Variants in MCC observed in about 807,000 individuals in gnomAD.
MCC encodes colorectal mutant cancer protein.
In MCC, 90 loss-of-function variants were observed where a neutral mutation model predicts 116.2. The observed-to-expected ratio is 0.77, with a 90% CI of 0.65 to 0.92. The LOEUF (loss-of-function observed/expected upper bound fraction) is 0.92. Among genes scored for constraint, MCC ranks in the 40% least tolerant of loss-of-function variants. MCC has a pLI of 0.00. For synonymous variants in MCC, 578 were observed against 510.5 expected (o/e 1.13, Z -1.78); for missense variants, 1,516 against 1,312.2 (o/e 1.16, Z -2.40).
intron 3 of MCC, among the ~76,000 whole-genome samples, chr5:113,219,007 A>G (rs1365598754): frequency 1.3e-5 from 2 of 152,246 alleles, no homozygotes; most frequent in African/African-American, 2.4e-5. Flanking sequence ...GTCTAAAAAA[A>G]GAAATTTTTT....
chr5:113,270,402 A>G (rs1010735982), intron 3 of MCC, among the ~76,000 whole-genome samples: 4 of 150,704 alleles, frequency 2.7e-5, no homozygotes, highest in Non-Finnish European at 5.9e-5. Flanking sequence ...CACTGATAGA[A>G]TTCCAAAGTT....
chr5:113,257,036 C>T (rs1010685401), intron 3 of MCC, among the ~76,000 whole-genome samples: 2 of 152,148 alleles, frequency 1.3e-5, no homozygotes, highest in African/African-American at 4.8e-5. Flanking sequence ...CATTACATCT[C>T]GTTGCACCAA....
chr5:113,198,966 C>T (rs189822213), intron 3 of MCC, among the ~76,000 whole-genome samples: 28 of 151,934 alleles, frequency 1.8e-4, no homozygotes, highest in Admixed American at 1.1e-3. Flanking sequence ...TTTGGGAGGC[C>T]GAGGTGGGCG....
Position 113,434,708 on chromosome 5 carries a change from G to A in MCC, c.171-49496C>T, listed in dbSNP as rs1403389731. 6.2e-7 allele frequency: 1 copy of A among 1,613,978 alleles called. No individual in the cohort carries two copies. Among genetic ancestry groups the A allele is most frequent in the Non-Finnish European group, 8.5e-7 (1 of 1,179,972 alleles). On this transcript the variant is annotated intron_variant, in intron 1 of 18. Transcript: ENST00000408903. This position sits in a 1 kb window ranked among gnomAD's most constrained non-coding sequence, Gnocchi z 4.2. Reference sequence around the variant, plus strand: ...AGAAGTCTGCGGGGGCCTTCTTGCGGTCGATGATCTTGATCGCCACATTGA... The same window carrying A: ...AGAAGTCTGCGGGGGCCTTCTTGCGATCGATGATCTTGATCGCCACATTGA...
intron 2 of MCC, among the ~76,000 whole-genome samples, chr5:113,369,269 A>T (rs1581432409): frequency 6.6e-6 from 1 of 151,740 alleles, no homozygotes. Context: ...CTTTTCAGTG[A>T]CCAGCCTCAT....
intron 14 of MCC, among the ~76,000 whole-genome samples, chr5:113,057,174 G>A (rs572358659): frequency 1.8e-4 from 27 of 152,338 alleles, no homozygotes; most frequent in Middle Eastern, 3.4e-3. Context: ...TGGTCAGAGA[G>A]GGAGTGCGTG....
chr5:113,246,279 TC>T (rs1284361516), intron 3 of MCC, among the ~76,000 whole-genome samples: 1 of 152,190 alleles, frequency 6.6e-6, no homozygotes, highest in Non-Finnish European at 1.5e-5. Context: ...TACAATGAGA[TC>T]CCTACCCACT....
chr5:113,314,741 C>A (rs1363491682), intron 3 of MCC, among the ~76,000 whole-genome samples: 1 of 152,162 alleles, frequency 6.6e-6, no homozygotes, highest in Non-Finnish European at 1.5e-5. Context: ...GCATGCACCA[C>A]CATGCCCAGC....
intron 3 of MCC, among the ~76,000 whole-genome samples, chr5:113,287,299 T>C (rs1766301880): frequency 1.3e-5 from 2 of 152,230 alleles, no homozygotes; most frequent in Non-Finnish European, 2.9e-5. Flanking sequence ...TTTGATTCCC[T>C]GGATCAAAAA....
At chr5:113,159,835 G>T (rs909979102) in intron 3 of MCC, among the ~76,000 whole-genome samples, 2 of 152,130 alleles carry the variant, frequency 1.3e-5, no homozygotes, top group African/African-American at 4.8e-5. Context: ...AGTATTTCAA[G>T]AAATGCTGCT....
chr5:113,152,947 T>C (rs1296837482), intron 3 of MCC, among the ~76,000 whole-genome samples: 1 of 152,182 alleles, frequency 6.6e-6, no homozygotes, highest in Admixed American at 6.5e-5. Flanking sequence ...ACGTTTTGTG[T>C]GACGACTTCT....
chr5:113,284,166 C>T (rs1766158298), intron 3 of MCC, among the ~76,000 whole-genome samples: 1 of 152,170 alleles, frequency 6.6e-6, no homozygotes, highest in South Asian at 2.1e-4. Context: ...GCCTGGGTGA[C>T]TGGCAAAATC....
intron 3 of MCC, among the ~76,000 whole-genome samples, chr5:113,160,451 G>A (rs777653453): frequency 6.6e-6 from 1 of 152,160 alleles, no homozygotes; most frequent in South Asian, 2.1e-4. Context: ...TCTTCACATA[G>A]CTTTATGAGA....
intron 1 of MCC, among the ~76,000 whole-genome samples, chr5:113,410,995 C>T (rs1467777607): frequency 6.6e-6 from 1 of 152,126 alleles, no homozygotes; most frequent in Non-Finnish European, 1.5e-5. Context: ...TTTTCTTAAT[C>T]CAGTCTATCA....
At chr5:113,203,324 A>AC (rs1409729517) in intron 3 of MCC, 1 of 152,152 alleles carries the variant, frequency 6.6e-6, no homozygotes, top group Non-Finnish European at 1.5e-5. Context: ...CGCCTGCCGC[A>AC]CGCCTGTTCA....
At chr5:113,145,406 C>T (rs1003900202) in intron 4 of MCC, among the ~76,000 whole-genome samples, 2 of 152,192 alleles carry the variant, frequency 1.3e-5, no homozygotes, top group African/African-American at 4.8e-5. Context: ...CTACAAATTA[C>T]TGTGAAACAT....
At chr5:113,401,757 A>C (rs1361478712) in intron 1 of MCC, among the ~76,000 whole-genome samples, 2 of 137,890 alleles carry the variant, frequency 1.5e-5, no homozygotes, top group East Asian at 4.0e-4. Context: ...AAATTTCCCC[A>C]GGTTTTCTTA....
At chr5:113,258,231 A>G (rs1026589828) in intron 3 of MCC, among the ~76,000 whole-genome samples, 1 of 152,252 alleles carries the variant, frequency 6.6e-6, no homozygotes, top group African/African-American at 2.4e-5. Context: ...TAACATTAAT[A>G]TAACATGTGC....
intron 1 of MCC, among the ~76,000 whole-genome samples, chr5:113,476,899 C>T (rs1242031287): frequency 6.6e-6 from 1 of 152,130 alleles, no homozygotes; most frequent in Non-Finnish European, 1.5e-5. Context: ...TGTAGTACGT[C>T]AATTATATCT....
Sources: gnomAD v4.1 joint callset for allele counts (sites outside exome capture counted in the v4.1 genomes callset) on GRCh38, gnomAD v4.1.1 for gene constraint, Gnocchi (gnomAD v3.1) non-coding constraint, MANE v1.5 for transcripts, NCBI Gene and HGNC (gene_info 2026-07-23, HGNC 2026-07-21) for gene names.